GMDS: variants seen among roughly 807,000 people sequenced by gnomAD.
GMDS encodes GDP-mannose 4,6-dehydratase.
GMDS carries 20 observed loss-of-function variants against 49.9 expected under a neutral mutation model. That is an observed-to-expected ratio of 0.40 (90% confidence interval 0.28 to 0.58). The LOEUF is 0.58. GMDS is among the 20% of genes least tolerant of loss of function. GMDS has a pLI of 0.42. For missense variants in GMDS, 362 were observed against 481.4 expected, an observed-to-expected ratio of 0.75 and a Z score of 2.32; for synonymous variants, 177 against 178.6, an observed-to-expected ratio of 0.99 and a Z score of 0.07.
chr6:1,675,250 T>C (rs1212601504), intron 9 of GMDS, among the ~76,000 whole-genome samples: 1 of 152,188 alleles, frequency 6.6e-6, no homozygotes, highest in African/African-American at 2.4e-5. Flanking sequence ...GTTGTTAGAA[T>C]ATGGAAAACC....
chr6:1,722,212 G>A (rs1054580450), intron 9 of GMDS, among the ~76,000 whole-genome samples: 16 of 138,108 alleles, frequency 1.2e-4, no homozygotes, highest in Admixed American at 2.2e-4. Context: ...GACTACAGGT[G>A]CCCGCCACCC....
chr6:1,760,926 C>T (rs1030319848), intron 7 of GMDS, among the ~76,000 whole-genome samples: 2 of 152,100 alleles, frequency 1.3e-5, no homozygotes, highest in Admixed American at 1.3e-4. Flanking sequence ...ATAATGATTT[C>T]CCAGATGCTG....
chr6:1,705,949 G>A (rs1480485282), intron 9 of GMDS, among the ~76,000 whole-genome samples: 1 of 152,220 alleles, frequency 6.6e-6, no homozygotes, highest in African/African-American at 2.4e-5. Context: ...AAGAACAGGT[G>A]CATCTGGGGG....
intron 1 of GMDS, among the ~76,000 whole-genome samples, chr6:2,154,863 C>CAAAAAAAAA (rs70992124): frequency 2.0e-4 from 13 of 65,620 alleles, no homozygotes; most frequent in South Asian, 8.5e-4. Context: ...TGAAGAGATG[C>CAAAAAAAAA]AAAAAAAAAA....
chr6:1,802,509 A>G (rs1020665161), intron 7 of GMDS, among the ~76,000 whole-genome samples: 5 of 152,236 alleles, frequency 3.3e-5, no homozygotes, highest in African/African-American at 1.2e-4. Flanking sequence ...AGCCCAACAT[A>G]ATTTCACGCC....
chr6:2,049,696 G>C (rs760337955), intron 4 of GMDS, among the ~76,000 whole-genome samples: 4 of 152,170 alleles, frequency 2.6e-5, no homozygotes, highest in Admixed American at 2.0e-4. Context: ...GGAAGATGCT[G>C]TGATGACAGA....
intron 9 of GMDS, among the ~76,000 whole-genome samples, chr6:1,651,428 C>A (rs1326182222): frequency 6.6e-6 from 1 of 152,196 alleles, no homozygotes; most frequent in African/African-American, 2.4e-5. Flanking sequence ...GGTAGATGTT[C>A]TCCTGGAGCC....
At chr6:1,930,287 T>C (rs1480227930) in intron 6 of GMDS, 57 bp from the exon 7 acceptor site, 1 of 1,507,710 alleles carries the variant, frequency 6.6e-7, no homozygotes, top group African/African-American at 1.4e-5. Flanking sequence ...ATTTAACAGT[T>C]TGGTGAACCA....
chr6:2,025,519 C>A (rs1172303349), intron 4 of GMDS, among the ~76,000 whole-genome samples: 1 of 151,296 alleles, frequency 6.6e-6, no homozygotes, highest in Non-Finnish European at 1.5e-5. Flanking sequence ...CATACATGCA[C>A]AGTGGAAGAT....
At chr6:1,923,122 T>G (rs1761809949) in intron 7 of GMDS, among the ~76,000 whole-genome samples, 1 of 152,212 alleles carries the variant, frequency 6.6e-6, no homozygotes. Context: ...CACGTGGAAC[T>G]GTGAGTCCAT....
intron 1 of GMDS, among the ~76,000 whole-genome samples, chr6:2,203,415 T>C (rs529400833): frequency 1.3e-5 from 2 of 152,104 alleles, no homozygotes; most frequent in East Asian, 3.9e-4. Context: ...CTAGTGAGAG[T>C]CAGCAGCTGA....
Position 1,731,468 on chromosome 6 carries a change from G to C in GMDS, c.891-4956C>G, listed in dbSNP as rs368075156. ...AAGAGAAGGTCTGAAACACTTTCTA[G>C]AGGGGACAGACGGGACTGGGAGTCA... On this transcript the variant is annotated intron_variant, in intron 8 of 10. Coordinates refer to ENST00000380815, the MANE Select transcript of GMDS (RefSeq NM_001500.4). Among the ~76,000 whole-genome samples the C allele has an allele frequency of 1.2e-4, 19 of 152,332 alleles. No homozygotes were observed. The East Asian group carries it at 2.3e-3, about 19-fold the overall frequency.
intron 1 of GMDS, among the ~76,000 whole-genome samples, chr6:2,136,174 CAT>C (rs1775989137): frequency 6.6e-6 from 1 of 152,158 alleles, no homozygotes; most frequent in Non-Finnish European, 1.5e-5. Context: ...TGCTGACCCA[CAT>C]GTCATTATGC....
intron 7 of GMDS, among the ~76,000 whole-genome samples, chr6:1,757,460 G>T (rs1767991216): frequency 6.6e-6 from 1 of 152,200 alleles, no homozygotes. Flanking sequence ...TGGGCATGCA[G>T]GAGGAAGTTT....
intron 4 of GMDS, among the ~76,000 whole-genome samples, chr6:2,106,890 T>G (rs545929884): frequency 1.3e-5 from 2 of 151,934 alleles, no homozygotes; most frequent in African/African-American, 4.8e-5. Context: ...AGGAAAAGTT[T>G]TACTCACAGT....
intron 1 of GMDS, among the ~76,000 whole-genome samples, chr6:2,183,703 G>A (rs577901541): frequency 8.5e-5 from 13 of 152,268 alleles, no homozygotes; most frequent in East Asian, 3.9e-4. Flanking sequence ...TTTGTGAAAG[G>A]AGGAGTCAAC....
chr6:1,744,922 T>C (rs1270086505), intron 7 of GMDS, among the ~76,000 whole-genome samples: 1 of 152,250 alleles, frequency 6.6e-6, no homozygotes, highest in Admixed American at 6.5e-5. Context: ...CCAACTAAGC[T>C]GAGCCTCCCA....
At position 2,073,824 on chromosome 6, in the gene GMDS, T is replaced by C. The variant is rs113042641; in HGVS notation, c.345+41947A>G. Reference sequence around the variant, plus strand: ...CCAGTTCCATACATGTGGCTGCAAATAATATGATTTCATTCTTTCATTATG... The same window carrying C: ...CCAGTTCCATACATGTGGCTGCAAACAATATGATTTCATTCTTTCATTATG... On this transcript the variant is annotated intron_variant, in intron 4 of 10. Transcript: ENST00000380815. Among the ~76,000 whole-genome samples the C allele has an allele frequency of 4.9e-3, 744 of 152,308 alleles. 5 individuals are homozygous for C. The highest frequency in any genetic ancestry group is 0.015 in the African/African-American group (640 of 41,560).
intron 4 of GMDS, among the ~76,000 whole-genome samples, chr6:2,071,529 A>C (rs1010003916): frequency 6.6e-6 from 1 of 152,158 alleles, no homozygotes; most frequent in Non-Finnish European, 1.5e-5. Context: ...ACAGGAGCTC[A>C]ATAAATGCTA....
Sources: allele counts gnomAD v4.1 joint callset (sites outside exome capture counted in the v4.1 genomes callset), GRCh38; gene constraint gnomAD v4.1.1; transcripts MANE v1.5; gene names NCBI Gene and HGNC (gene_info 2026-07-23, HGNC 2026-07-21).